SYNPR: variants seen among roughly 807,000 people sequenced by gnomAD.
SYNPR encodes synaptoporin.
In SYNPR, 23 loss-of-function variants were observed where a neutral mutation model predicts 32.9. The observed-to-expected ratio is 0.70, with a 90% CI of 0.50 to 0.99. SYNPR has a LOEUF of 0.99. SYNPR is among the 50% of genes least tolerant of loss of function. SYNPR has a pLI of 0.00. For synonymous variants in SYNPR, 146 were observed against 135.9 expected (o/e 1.07, Z -0.52); for missense variants, 318 against 349.3 (o/e 0.91, Z 0.71).
intron 2 of SYNPR, among the ~76,000 whole-genome samples, chr3:63,313,732 C>CAT (rs1179364360): frequency 3.4e-5 from 1 of 29,138 alleles, no homozygotes; most frequent in Non-Finnish European, 5.7e-5. Flanking sequence ...TATATATATC[C>CAT]ATATATATAT....
chr3:63,471,120 G>A (rs1226072076), intron 2 of SYNPR, among the ~76,000 whole-genome samples: 1 of 152,176 alleles, frequency 6.6e-6, no homozygotes, highest in African/African-American at 2.4e-5. Flanking sequence ...TTTTGCCTGA[G>A]AAGATTTCAC....
At chr3:63,413,762 G>C (rs1270726864) in intron 2 of SYNPR, among the ~76,000 whole-genome samples, 2 of 152,066 alleles carry the variant, frequency 1.3e-5, no homozygotes, top group Admixed American at 1.3e-4. Flanking sequence ...TTGCTGCTTG[G>C]GGAAGAGGAA....
chr3:63,430,353 A>G (rs191762914), intron 2 of SYNPR, among the ~76,000 whole-genome samples: 51 of 144,608 alleles, frequency 3.5e-4, no homozygotes, highest in African/African-American at 1.3e-3. Flanking sequence ...TCACTCCTAC[A>G]CTGAGAATAC....
At chr3:63,225,665 G>A (rs1189792758), upstream of SYNPR, among the ~76,000 whole-genome samples, 1 of 152,146 alleles carries the variant, frequency 6.6e-6, no homozygotes, top group Non-Finnish European at 1.5e-5. Flanking sequence ...ATGGATTAAA[G>A]ACTAAATGTA....
chr3:63,338,012 T>A (rs146342715), intron 2 of SYNPR, among the ~76,000 whole-genome samples: 23 of 152,208 alleles, frequency 1.5e-4, no homozygotes, highest in Middle Eastern at 6.8e-3. Flanking sequence ...ACCAAGAACT[T>A]CAGTCAATAA....
chr3:63,366,245 G>GT (rs535116417), intron 2 of SYNPR, among the ~76,000 whole-genome samples: 1,596 of 152,062 alleles, frequency 0.01, 24 homozygotes, highest in African/African-American at 0.036. Context: ...AAACCGAGGG[G>GT]TTTTTTTCCC....
At chr3:63,595,753 A>ATAGTTT (rs1699933736) in intron 4 of SYNPR, among the ~76,000 whole-genome samples, 2 of 44,764 alleles carry the variant, frequency 4.5e-5, no homozygotes, top group African/African-American at 3.2e-4. Flanking sequence ...ATATATATAT[A>ATAGTTT]TATATATATA....
intron 5 of SYNPR, among the ~76,000 whole-genome samples, chr3:63,614,484 T>G (rs1251129788): frequency 1.3e-5 from 2 of 152,344 alleles, no homozygotes; most frequent in East Asian, 3.9e-4. Flanking sequence ...CATCCAGTTC[T>G]TAAGAAAATA....
chr3:63,236,995 T>C (rs1249737415), intron 1 of SYNPR, among the ~76,000 whole-genome samples: 1 of 152,168 alleles, frequency 6.6e-6, no homozygotes, highest in African/African-American at 2.4e-5. Context: ...TAGCTGTAGA[T>C]TTTTCACAGA....
intron 4 of SYNPR, among the ~76,000 whole-genome samples, chr3:63,584,190 A>G (rs1703142672): frequency 6.6e-6 from 1 of 152,036 alleles, no homozygotes; most frequent in African/African-American, 2.4e-5. Flanking sequence ...GAGCAGCCTT[A>G]AGGAGGGCCT....
intron 2 of SYNPR, among the ~76,000 whole-genome samples, chr3:63,427,199 G>A (rs73849121): frequency 0.13 from 19,545 of 147,438 alleles, 1,388 homozygotes; most frequent in Middle Eastern, 0.17. Flanking sequence ...AATGTAAAAG[G>A]ATCTGTTACC....
At chr3:63,241,703 C>T (rs1221593417) in intron 1 of SYNPR, among the ~76,000 whole-genome samples, 1 of 152,052 alleles carries the variant, frequency 6.6e-6, no homozygotes, top group Non-Finnish European at 1.5e-5. Context: ...AGAATTTAAA[C>T]TCAGGCAATA....
chr3:63,255,326 A>G (rs1406257272), intron 2 of SYNPR, among the ~76,000 whole-genome samples: 1 of 152,164 alleles, frequency 6.6e-6, no homozygotes, highest in Non-Finnish European at 1.5e-5. Context: ...CTGGGACATA[A>G]TGATTGGGTG....
chr3:63,241,878 G>GTT (rs1437540078), intron 1 of SYNPR, among the ~76,000 whole-genome samples: 2 of 152,044 alleles, frequency 1.3e-5, no homozygotes, highest in East Asian at 3.9e-4. Context: ...AATTTAAAAA[G>GTT]TTTTTGGATC....
chr3:63,587,704 G>A (rs192374818), intron 4 of SYNPR, among the ~76,000 whole-genome samples: 4 of 152,160 alleles, frequency 2.6e-5, no homozygotes, highest in Non-Finnish European at 5.9e-5. Context: ...ATTGATTATT[G>A]TTTTGTTTTA....
chr3:63,413,661 C>A (rs1247544644), intron 2 of SYNPR, among the ~76,000 whole-genome samples: 2 of 152,154 alleles, frequency 1.3e-5, no homozygotes, highest in Admixed American at 6.6e-5. Context: ...CAACACTCTG[C>A]ATACTTTTGG....
At chr3:63,204,115 T>A in the SYNPR span, among the ~76,000 whole-genome samples, 1 of 152,204 alleles carries the variant, frequency 6.6e-6, no homozygotes, top group African/African-American at 2.4e-5. Context: ...CAACCTGGTT[T>A]AACATCAGCC....
At chr3:63,595,732 TATATATATATATATATATATATATA>T (rs1316180394) in intron 4 of SYNPR, among the ~76,000 whole-genome samples, 2 of 28,508 alleles carry the variant, frequency 7.0e-5, no homozygotes, top group African/African-American at 6.1e-4. Flanking sequence ...TATATATATA[TATATATATATATATATATATATATA>T]TATATATATA....
At chr3:63,457,335 T>A (rs1041029544) in intron 2 of SYNPR, among the ~76,000 whole-genome samples, 5 of 152,156 alleles carry the variant, frequency 3.3e-5, no homozygotes, top group African/African-American at 9.6e-5. Context: ...TGAATTTAGA[T>A]TTCCACTTAT....
Sources: gnomAD v4.1 joint callset for allele counts (sites outside exome capture counted in the v4.1 genomes callset) on GRCh38, gnomAD v4.1.1 for gene constraint, MANE v1.5 for transcripts, NCBI Gene and HGNC (gene_info 2026-07-23, HGNC 2026-07-21) for gene names.